The following SLAMF9 variants were observed in gnomAD, a reference collection of about 807,000 sequenced individuals.
SLAMF9 encodes CD2 family member 10.
A neutral mutation model predicts 30.4 loss-of-function variants in SLAMF9; 25 were observed. The ratio of observed to expected loss-of-function variants is 0.82; its 90% confidence interval spans 0.60 to 1.15. SLAMF9 has a LOEUF of 1.15. Among genes scored for constraint, SLAMF9 ranks in the 50% most tolerant of loss-of-function variants. SLAMF9 has a pLI of 0.00. For missense variants in SLAMF9, 344 were observed against 346.1 expected, an observed-to-expected ratio of 0.99 and a Z score of 0.05; for synonymous variants, 129 against 127.2, an observed-to-expected ratio of 1.01 and a Z score of -0.09.
chr1:159,958,270 GTGA>G (rs1409855795), upstream of SLAMF9, among the ~76,000 whole-genome samples: 3 of 152,168 alleles, frequency 2.0e-5, no homozygotes, highest in Non-Finnish European at 4.4e-5. Flanking sequence ...GGCTGCTACA[GTGA>G]GTATGCTGAT....
At chr1:159,957,250 G>T (rs1230137484), upstream of SLAMF9, among the ~76,000 whole-genome samples, 1 of 151,580 alleles carries the variant, frequency 6.6e-6, no homozygotes, top group Non-Finnish European at 1.5e-5. Flanking sequence ...TCAAAAGTCA[G>T]TCAGATAGGA....
the SLAMF9 span, among the ~76,000 whole-genome samples, chr1:159,970,215 T>C: frequency 1.3e-5 from 2 of 152,294 alleles, no homozygotes; most frequent in Admixed American, 6.5e-5. Context: ...CCATTGAGAA[T>C]CACTAACCTG....
the SLAMF9 span, among the ~76,000 whole-genome samples, chr1:159,967,992 G>C: frequency 6.6e-6 from 1 of 152,108 alleles, no homozygotes; most frequent in African/African-American, 2.4e-5. Context: ...TCAGTTCTAA[G>C]GGTTTTTGAT....
At position 159,953,621 on chromosome 1, in the gene SLAMF9, A is replaced by C. The variant is rs766296175; in HGVS notation, c.79T>G (p.Ser27Ala). 15 of 1,610,180 alleles carry C rather than the reference A, an allele frequency of 9.3e-6. No individual in the cohort carries two copies. Among genetic ancestry groups the C allele is most frequent in the South Asian group, 5.5e-5 (5 of 90,906 alleles). The change falls in exon 2 of 4, where the codon TCC becomes GCC. Residue 27 changes from serine to alanine, a missense_variant. Ser to Ala is a moderately conservative substitution (Grantham distance 99). Coordinates refer to ENST00000368093, the MANE Select transcript of SLAMF9 (RefSeq NM_033438.4). ...SQRRLWRWCG[S>A]EEVVAVLQES... Reference sequence around the variant, plus strand: ...TGAAGGACCGCAACCACTTCCTCGGATCCACACCATCTCCAGAGTCTCCTT... The same window carrying C: ...TGAAGGACCGCAACCACTTCCTCGGCTCCACACCATCTCCAGAGTCTCCTT...
the SLAMF9 span, chr1:159,974,026 C>G: frequency 6.2e-7 from 1 of 1,607,482 alleles, no homozygotes; most frequent in Non-Finnish European, 8.5e-7. Flanking sequence ...GCATCTCCTT[C>G]AAACACAGGG....
At chr1:159,980,972 A>G in the SLAMF9 span, among the ~76,000 whole-genome samples, 1 of 152,228 alleles carries the variant, frequency 6.6e-6, no homozygotes, top group Non-Finnish European at 1.5e-5. Context: ...AGAAGCCTGC[A>G]TACACTAAGG....
the SLAMF9 span, among the ~76,000 whole-genome samples, chr1:159,977,769 C>T: frequency 5.3e-5 from 8 of 152,214 alleles, no homozygotes; most frequent in Non-Finnish European, 8.8e-5. Flanking sequence ...CAGCCATCTA[C>T]ACCTCAGCCA....
chr1:159,980,664 C>T, the SLAMF9 span: 1 of 152,426 alleles, frequency 6.6e-6, no homozygotes, highest in Non-Finnish European at 1.5e-5. Flanking sequence ...GCCTCAGCCT[C>T]CTGAGTAGCT....
the SLAMF9 span, among the ~76,000 whole-genome samples, chr1:159,962,150 C>G: frequency 6.7e-6 from 1 of 149,978 alleles, no homozygotes; most frequent in African/African-American, 2.5e-5. Context: ...GAGCAAGACT[C>G]CATCTCAAAA....
chr1:159,969,943 A>C, the SLAMF9 span, among the ~76,000 whole-genome samples: 3 of 148,954 alleles, frequency 2.0e-5, no homozygotes, highest in South Asian at 6.6e-4. Context: ...CCAGCTACTC[A>C]GGAGGCTGAG....
the SLAMF9 span, chr1:159,973,416 C>G: frequency 2.0e-6 from 1 of 511,478 alleles, no homozygotes; most frequent in Non-Finnish European, 3.5e-6. Context: ...TCACCAAGAC[C>G]TGTCCTCTTG....
chr1:159,961,114 T>C, the SLAMF9 span: 9 of 152,302 alleles, frequency 5.9e-5, no homozygotes, highest in East Asian at 1.7e-3. Flanking sequence ...ACTATGACAT[T>C]ATTATATATA....
At chr1:159,956,220 C>T (rs549649484), upstream of SLAMF9, among the ~76,000 whole-genome samples, 5 of 152,266 alleles carry the variant, frequency 3.3e-5, no homozygotes, top group African/African-American at 1.2e-4. Flanking sequence ...GATCCTAGCG[C>T]TTTGGGAGGC....
At chr1:159,969,917 G>A in the SLAMF9 span, among the ~76,000 whole-genome samples, 1 of 152,170 alleles carries the variant, frequency 6.6e-6, no homozygotes, top group South Asian at 2.1e-4. Flanking sequence ...TGGTGCACTG[G>A]TGCACTTCTG....
In SLAMF9 at chr1:159,954,220, G is replaced by A; in HGVS notation, c.-83C>T. 6.6e-7 allele frequency: 1 copy of A among 1,509,374 alleles called. No homozygotes were observed. The highest frequency in any genetic ancestry group is 1.2e-5 in the South Asian group (1 of 86,624). The allele number at this position is 1,509,374 out of a possible 1,614,324, so 93.5% of individuals were successfully genotyped here. ...AGAAGACTGCATTAGGAGGCTCCTA[G>A]ACACAAAGAGCCTGACTGATGGTCC... On this transcript the variant is annotated 5_prime_UTR_variant, in exon 1 of 4. Transcript: ENST00000368093.
the SLAMF9 span, among the ~76,000 whole-genome samples, chr1:159,973,525 C>T: frequency 6.6e-6 from 1 of 152,182 alleles, no homozygotes; most frequent in African/African-American, 2.4e-5. Flanking sequence ...CTCTAGTCCA[C>T]AGAGGGGAAG....
chr1:159,955,482 C>T (rs897553106), upstream of SLAMF9, among the ~76,000 whole-genome samples: 12 of 152,222 alleles, frequency 7.9e-5, no homozygotes, highest in African/African-American at 2.4e-4. Context: ...TAGAGGAAGA[C>T]GTATTCAGCT....
At chr1:159,969,363 T>C in the SLAMF9 span, among the ~76,000 whole-genome samples, 7 of 152,162 alleles carry the variant, frequency 4.6e-5, no homozygotes, top group African/African-American at 1.7e-4. Flanking sequence ...AAGTCCTTCC[T>C]CTAGAACAGT....
the SLAMF9 span, among the ~76,000 whole-genome samples, chr1:159,974,678 G>T: frequency 6.6e-6 from 1 of 152,218 alleles, no homozygotes; most frequent in Non-Finnish European, 1.5e-5. Flanking sequence ...CGTCCTGTCT[G>T]TTCTCATCCT....
Sources: allele counts gnomAD v4.1 joint callset (sites outside exome capture counted in the v4.1 genomes callset), GRCh38; gene constraint gnomAD v4.1.1; transcripts MANE v1.5; gene names NCBI Gene and HGNC (gene_info 2026-07-23, HGNC 2026-07-21).